The following WNT2 variants were observed in gnomAD, a reference collection of about 807,000 sequenced individuals.
WNT2 encodes the protein protein Wnt-2.
Under a neutral mutation model 36.9 loss-of-function variants are expected in WNT2, and 12 were observed. The observed-to-expected ratio is 0.33, with a 90% CI of 0.21 to 0.53. The LOEUF (loss-of-function observed/expected upper bound fraction) is 0.53, where lower values mean the gene tolerates loss of function less well. WNT2 is among the 20% of genes least tolerant of loss of function. The pLI is 0.95. For synonymous variants in WNT2, 163 were observed against 174.6 expected, an observed-to-expected ratio of 0.93 and a Z score of 0.52; for missense variants, 379 against 473.1, an observed-to-expected ratio of 0.80 and a Z score of 1.84.
At chr7:117,315,044 A>G (rs773131215) in intron 3 of WNT2, 27 bp downstream of exon 3, 1 of 1,610,334 alleles carries the variant, frequency 6.2e-7, no homozygotes, top group East Asian at 2.2e-5. Context: ...TGCAGCCTAC[A>G]AAATGAGCAC....
chr7:117,319,296 T>C (rs539839864), intron 2 of WNT2, among the ~76,000 whole-genome samples: 1 of 152,302 alleles, frequency 6.6e-6, no homozygotes, highest in South Asian at 2.1e-4. Flanking sequence ...CCAAAAGGAA[T>C]GCAGAAGAAT....
rs150539032 is a variant in WNT2 at position 117,289,440 on chromosome 7, T to C, written c.853+8172A>G. Among the ~76,000 whole-genome samples, 425 of 152,252 alleles carry C rather than the reference T, an allele frequency of 2.8e-3. 3 individuals carry two copies. The highest frequency in any genetic ancestry group is 9.6e-3 in the African/African-American group (397 of 41,548). On this transcript the variant is annotated intron_variant, in intron 4 of 4. Transcript: ENST00000265441. ...TAAATGCCTCATGAATGCGCCTGAA[T>C]ATGAGGAAAAATTCCATTGAACACT...
At chr7:117,285,477 A>G (rs1175264616) in intron 4 of WNT2, among the ~76,000 whole-genome samples, 1 of 152,218 alleles carries the variant, frequency 6.6e-6, no homozygotes, top group East Asian at 1.9e-4. Context: ...ACTCAGTCTG[A>G]TCATCTACCT....
Position 117,278,080 on chromosome 7 carries a change from C to T in WNT2, c.*75G>A. On this transcript the variant is annotated 3_prime_UTR_variant, in exon 5 of 5. Coordinates refer to ENST00000265441, the MANE Select transcript of WNT2 (RefSeq NM_003391.3). The stretch of plus-strand genomic sequence containing the variant: ...TTAGGAAATATCCCCCCAGAAAGAA[C>T]CCAAAGGTCCAGTGTTCTTGCAGAT... 1 of 1,519,062 alleles carries T rather than the reference C, an allele frequency of 6.6e-7. No homozygotes were observed. The highest frequency in any genetic ancestry group is 2.3e-5 in the East Asian group (1 of 44,106). 94.1% of individuals were successfully genotyped at this position (1,519,062 alleles called of 1,614,324 possible).
At position 117,315,090 on chromosome 7, in the gene WNT2, T is replaced by A. The variant is rs781570599; in HGVS notation, c.569A>T (p.Asn190Ile). 3.1e-6 allele frequency: 5 copies of A among 1,614,176 alleles called. No individual in the cohort carries two copies. In the Admixed American group the frequency reaches 8.3e-5, roughly 27 times the overall value. The change falls in exon 3 of 5, where the codon AAC becomes ATC. Residue 190 changes from asparagine to isoleucine, a missense_variant. Coordinates refer to ENST00000265441, the MANE Select transcript of WNT2 (RefSeq NM_003391.3). ...CCATACCTTCCTGCCAGCTCTGTTGTTGTGAAGATTCATCAGGGCTCTGGC... is the reference window on the plus strand; with the variant it reads ...CCATACCTTCCTGCCAGCTCTGTTGATGTGAAGATTCATCAGGGCTCTGGC... ...KDARALMNLH[N>I]NRAGRKAVKR...
chr7:117,291,237 G>A (rs572014844), intron 4 of WNT2, among the ~76,000 whole-genome samples: 2 of 152,138 alleles, frequency 1.3e-5, no homozygotes, highest in Admixed American at 6.5e-5. Context: ...TGGGTTTTTC[G>A]CAGGCAACAA....
intron 4 of WNT2, among the ~76,000 whole-genome samples, chr7:117,286,803 T>C (rs898349589): frequency 5.9e-5 from 9 of 152,256 alleles, no homozygotes; most frequent in Non-Finnish European, 1.0e-4. Flanking sequence ...CAGATGATTT[T>C]ATTCAGTGTT....
chr7:117,303,201 G>A (rs1263721905), intron 3 of WNT2, among the ~76,000 whole-genome samples: 4 of 152,228 alleles, frequency 2.6e-5, no homozygotes, highest in African/African-American at 9.6e-5. Context: ...ATGCAGAGGA[G>A]AAGGTGAGAA....
chr7:117,275,938 A>C lies in WNT2; in HGVS notation c.*2217T>G, dbSNP rs2116315162. On this transcript the variant is annotated 3_prime_UTR_variant, in exon 5 of 5. Coordinates refer to ENST00000265441, the MANE Select transcript of WNT2 (RefSeq NM_003391.3). ...AGGAGGGATATATCTCAGCATAAAA[A>C]GAATGTCAGATCTAAACATACCAGG... Among the ~76,000 whole-genome samples the C allele has an allele frequency of 6.6e-6, 1 of 152,380 alleles. No individual in the cohort carries two copies. Among genetic ancestry groups the C allele is most frequent in the South Asian group, 2.1e-4 (1 of 4,832 alleles).
intron 4 of WNT2, among the ~76,000 whole-genome samples, chr7:117,289,807 C>A (rs1794654426): frequency 1.3e-5 from 2 of 152,068 alleles, no homozygotes; most frequent in African/African-American, 2.4e-5. Flanking sequence ...GTGGCACATG[C>A]TATGCTCAAA....
At chr7:117,285,812 G>A (rs1025577635) in intron 4 of WNT2, among the ~76,000 whole-genome samples, 1 of 152,228 alleles carries the variant, frequency 6.6e-6, no homozygotes, top group African/African-American at 2.4e-5. Flanking sequence ...AAAGTGACAA[G>A]TTGGAAATTC....
At chr7:117,304,439 T>G (rs1794975085) in intron 3 of WNT2, among the ~76,000 whole-genome samples, 1 of 150,576 alleles carries the variant, frequency 6.6e-6, no homozygotes, top group South Asian at 2.1e-4. Context: ...CACATTTTTT[T>G]TTTTTTTTTT....
At chr7:117,289,051 CTTTTTTTTT>C (rs1187027317) in intron 4 of WNT2, among the ~76,000 whole-genome samples, 67 of 89,450 alleles carry the variant, frequency 7.5e-4, no homozygotes, top group African/African-American at 3.2e-3. Context: ...TCACGTTAGA[CTTTTTTTTT>C]TTTTTTTTTT....
chr7:117,316,432 A>G (rs142180362), intron 2 of WNT2, among the ~76,000 whole-genome samples: 107 of 152,298 alleles, frequency 7.0e-4, no homozygotes, highest in African/African-American at 2.4e-3. Flanking sequence ...TAACAATCCA[A>G]ATAGAAGCTG....
At chr7:117,316,891 G>T (rs1795230338) in intron 2 of WNT2, among the ~76,000 whole-genome samples, 1 of 152,170 alleles carries the variant, frequency 6.6e-6, no homozygotes, top group South Asian at 2.1e-4. Context: ...ATTCTAAGTG[G>T]AATTGAGATG....
chr7:117,278,575 G>A (rs535147399), intron 4 of WNT2, among the ~76,000 whole-genome samples, 191 bp from the exon 5 acceptor site: 10 of 152,240 alleles, frequency 6.6e-5, no homozygotes, highest in Non-Finnish European at 1.5e-4. Context: ...TGCAGAGAGT[G>A]CAGTGGTGCT....
chr7:117,283,106 T>A (rs768465830), intron 4 of WNT2, among the ~76,000 whole-genome samples: 4 of 152,002 alleles, frequency 2.6e-5, no homozygotes, highest in Non-Finnish European at 5.9e-5. Flanking sequence ...ACAGGTTGAG[T>A]TTGCTGTGAC....
intron 2 of WNT2, among the ~76,000 whole-genome samples, chr7:117,319,526 G>GCA (rs1199044025): frequency 6.7e-6 from 1 of 148,426 alleles, no homozygotes; most frequent in Non-Finnish European, 1.5e-5. Context: ...AGGAATTGGG[G>GCA]GGGGGGGTAG....
intron 4 of WNT2, among the ~76,000 whole-genome samples, chr7:117,286,374 C>A (rs545087491): frequency 4.7e-4 from 71 of 152,130 alleles, no homozygotes; most frequent in African/African-American, 1.7e-3. Context: ...CCTCTGGGAC[C>A]CGGAGGAAGG....
Sources: allele counts gnomAD v4.1 joint callset (sites outside exome capture counted in the v4.1 genomes callset), GRCh38; gene constraint gnomAD v4.1.1; transcripts MANE v1.5; gene names NCBI Gene and HGNC (gene_info 2026-07-23, HGNC 2026-07-21).